The following GRID1 variants were observed in gnomAD, a reference collection of about 807,000 sequenced individuals.
The protein encoded by GRID1 is glutamate receptor ionotropic, delta-1.
In GRID1, 28 loss-of-function variants were observed where a neutral mutation model predicts 98.0. That is an observed-to-expected ratio of 0.29 (90% CI 0.21 to 0.39). The LOEUF (loss-of-function observed/expected upper bound fraction) is 0.39. Ranked by LOEUF, GRID1 falls within the 10% of genes least tolerant of loss-of-function variation. The pLI, the probability that GRID1 is intolerant of heterozygous loss-of-function variation, is 1.00. For missense variants in GRID1, 1,111 were observed against 1,340.5 expected (o/e 0.83, Z 2.67); for synonymous variants, 553 against 538.5 (o/e 1.03, Z -0.37).
rs372819598 is a variant in GRID1 at position 85,774,477 on chromosome 10, A to G, written c.1234-44863T>C. 2.8e-3 allele frequency among the ~76,000 whole-genome samples: 430 copies of G among 151,608 alleles called. 6 individuals are homozygous for G. The highest frequency in any genetic ancestry group is 9.6e-4 in the Non-Finnish European group (65 of 67,630). ...AACAAAAGCCAAAATTGACAAATGG[A>G]ATCTAATTAAACTAAAGAGCTTCTG... On this transcript the variant is annotated intron_variant, in intron 8 of 15. Coordinates refer to ENST00000327946, the MANE Select transcript of GRID1 (RefSeq NM_017551.3).
chr10:85,654,116 C>T lies in GRID1; in HGVS notation c.1998-6719G>A, dbSNP rs563658862. 3.1e-4 allele frequency among the ~76,000 whole-genome samples: 47 copies of T among 152,232 alleles called. 1 individual carries two copies. In the East Asian group the frequency reaches 4.3e-3, roughly 14 times the overall value. On this transcript the variant is annotated intron_variant, in intron 12 of 15. Transcript: ENST00000327946. ...GCAGAGCCCACAGCAGGAAAATGCA[C>T]GCTTCCATAGGTCACAGAGCCCTTC...
chr10:86,086,043 T>C (rs1844050752), intron 4 of GRID1, among the ~76,000 whole-genome samples: 1 of 152,080 alleles, frequency 6.6e-6, no homozygotes, highest in Non-Finnish European at 1.5e-5. Context: ...TCCCTTCCCA[T>C]CAGAGTGCTG....
intron 4 of GRID1, among the ~76,000 whole-genome samples, chr10:86,032,575 T>C (rs189344754): frequency 6.6e-6 from 1 of 152,306 alleles, no homozygotes; most frequent in African/African-American, 2.4e-5. Flanking sequence ...CAGGGTTAAA[T>C]GGATTAAGGG....
At chr10:85,782,286 T>C (rs558231306) in intron 8 of GRID1, among the ~76,000 whole-genome samples, 17 of 100 alleles carry the variant, frequency 0.17, no homozygotes, top group African/African-American at 0.35. Context: ...TGTAACATCA[T>C]GCAAGGAAAA....
chr10:86,217,049 T>C (rs1346148564), intron 2 of GRID1, among the ~76,000 whole-genome samples: 2 of 152,132 alleles, frequency 1.3e-5, no homozygotes, highest in South Asian at 2.1e-4. Context: ...AAGGGAGCTG[T>C]GCCAGGGCCC....
intron 2 of GRID1, among the ~76,000 whole-genome samples, chr10:86,335,345 T>A (rs781675449): frequency 6.6e-6 from 1 of 152,208 alleles, no homozygotes; most frequent in Non-Finnish European, 1.5e-5. Context: ...TTACACAGGA[T>A]GTTAATAGGT....
chr10:85,679,955 G>A (rs1454027802), intron 12 of GRID1, among the ~76,000 whole-genome samples: 1 of 152,102 alleles, frequency 6.6e-6, no homozygotes, highest in East Asian at 1.9e-4. Flanking sequence ...GTGAGTGCAG[G>A]CAGTCACGGA....
intron 8 of GRID1, among the ~76,000 whole-genome samples, chr10:85,751,199 G>A (rs947850637): frequency 4.6e-5 from 7 of 152,160 alleles, no homozygotes; most frequent in African/African-American, 1.7e-4. Flanking sequence ...CCAGAATTTC[G>A]AAGGCACCTC....
intron 8 of GRID1, among the ~76,000 whole-genome samples, chr10:85,820,652 C>T (rs957288065): frequency 1.3e-5 from 2 of 152,110 alleles, no homozygotes; most frequent in African/African-American, 4.8e-5. Flanking sequence ...ATTATTTGTG[C>T]TGTCTTTTCA....
At chr10:85,839,395 A>G (rs1842942242) in intron 8 of GRID1, among the ~76,000 whole-genome samples, 1 of 152,190 alleles carries the variant, frequency 6.6e-6, no homozygotes, top group Non-Finnish European at 1.5e-5. Context: ...CCAAAGTAAA[A>G]CACTCATCAG....
chr10:86,239,352 G>GTCT (rs1846591181), intron 2 of GRID1, among the ~76,000 whole-genome samples: 1 of 152,204 alleles, frequency 6.6e-6, no homozygotes, highest in African/African-American at 2.4e-5. Context: ...TGAGCTTGCA[G>GTCT]GCTCATAGGC....
chr10:85,841,257 A>G (rs1043925517), intron 8 of GRID1, among the ~76,000 whole-genome samples: 7 of 152,200 alleles, frequency 4.6e-5, no homozygotes, highest in Non-Finnish European at 1.0e-4. Context: ...TCTTCAATAA[A>G]TGGTGCTGGA....
chr10:86,196,696 A>AT (rs767404766), intron 3 of GRID1, among the ~76,000 whole-genome samples: 29 of 152,104 alleles, frequency 1.9e-4, no homozygotes, highest in Non-Finnish European at 8.8e-5. Flanking sequence ...GGCTGGCCAC[A>AT]TCTAAACTAC....
intron 2 of GRID1, among the ~76,000 whole-genome samples, chr10:86,337,053 G>T (rs559273577): frequency 6.6e-6 from 1 of 151,560 alleles, no homozygotes; most frequent in African/African-American, 2.4e-5. Flanking sequence ...GGGTTTCACC[G>T]TGTTAGCCAG....
intron 8 of GRID1, among the ~76,000 whole-genome samples, chr10:85,736,331 A>G (rs1841883534): frequency 6.6e-6 from 1 of 152,046 alleles, no homozygotes; most frequent in Non-Finnish European, 1.5e-5. Context: ...GGAAGGAAGG[A>G]AAAAAGGAAG....
chr10:86,045,666 G>A (rs1843412779), intron 4 of GRID1, among the ~76,000 whole-genome samples: 1 of 152,162 alleles, frequency 6.6e-6, no homozygotes, highest in African/African-American at 2.4e-5. Flanking sequence ...ATGGTGGAAG[G>A]AAGGCGAGGC....
chr10:85,848,757 A>G (rs935431552), intron 8 of GRID1, among the ~76,000 whole-genome samples: 1 of 152,248 alleles, frequency 6.6e-6, no homozygotes, highest in Non-Finnish European at 1.5e-5. Flanking sequence ...ACCTAAAATG[A>G]AATACTTGAT....
intron 9 of GRID1, 23 bp downstream of exon 9, chr10:85,729,490 C>T (rs770457916): frequency 4.9e-6 from 7 of 1,435,568 alleles, no homozygotes; most frequent in Non-Finnish European, 6.9e-6. Flanking sequence ...TAGCTCGCTC[C>T]CAGAATGTCC....
At chr10:85,865,978 G>C (rs1393682022) in intron 6 of GRID1, among the ~76,000 whole-genome samples, 2 of 138,140 alleles carry the variant, frequency 1.4e-5, no homozygotes, top group African/African-American at 5.4e-5. Context: ...GAGAGAGAGA[G>C]AGAGAGAGAG....
Sources: gnomAD v4.1 joint callset for allele counts (sites outside exome capture counted in the v4.1 genomes callset) on GRCh38, gnomAD v4.1.1 for gene constraint, MANE v1.5 for transcripts, NCBI Gene and HGNC (gene_info 2026-07-23, HGNC 2026-07-21) for gene names.